QTMAN: variants seen among roughly 807,000 people sequenced by gnomAD.
QTMAN encodes queuosine-tRNA mannosyltransferase.
the QTMAN span, among the ~76,000 whole-genome samples, chr2:143,950,516 C>A: frequency 6.6e-6 from 1 of 151,564 alleles, no homozygotes; most frequent in Non-Finnish European, 1.5e-5. Flanking sequence ...ATGTTACAAA[C>A]TGATAAATTT....
the QTMAN span, among the ~76,000 whole-genome samples, chr2:144,100,859 CTTTTTTTTTTTTTTT>C: frequency 5.1e-5 from 4 of 77,920 alleles, no homozygotes; most frequent in South Asian, 4.8e-4. Flanking sequence ...GTCTTTCTTT[CTTTTTTTTTTTTTTT>C]TTTTTTTTTT....
At chr2:144,295,529 C>A in the QTMAN span, among the ~76,000 whole-genome samples, 8 of 152,192 alleles carry the variant, frequency 5.3e-5, no homozygotes, top group Admixed American at 1.3e-4. Flanking sequence ...CAACCTATTT[C>A]TCTACCAGAA....
chr2:144,052,897 C>T, the QTMAN span, among the ~76,000 whole-genome samples: 1 of 152,210 alleles, frequency 6.6e-6, no homozygotes. Context: ...GATCCATCCA[C>T]CTTGGCCTCC....
the QTMAN span, among the ~76,000 whole-genome samples, chr2:144,304,586 A>T: frequency 6.6e-6 from 1 of 152,230 alleles, no homozygotes; most frequent in Non-Finnish European, 1.5e-5. Context: ...CAATGAATAT[A>T]CTAAAACAGT....
chr2:144,298,868 T>G, the QTMAN span, among the ~76,000 whole-genome samples: 1 of 152,194 alleles, frequency 6.6e-6, no homozygotes, highest in South Asian at 2.1e-4. Flanking sequence ...ACTCCTCCAA[T>G]TGCAAATATC....
chr2:144,031,440 G>A, the QTMAN span, among the ~76,000 whole-genome samples: 1 of 152,108 alleles, frequency 6.6e-6, no homozygotes, highest in Non-Finnish European at 1.5e-5. Context: ...CACAGAAAAA[G>A]TGTTTTTCAT....
the QTMAN span, among the ~76,000 whole-genome samples, chr2:144,317,312 T>C: frequency 1.4e-5 from 2 of 147,824 alleles, no homozygotes; most frequent in Middle Eastern, 3.3e-3. Context: ...CCCATTTAAA[T>C]AGTCACTGCT....
the QTMAN span, among the ~76,000 whole-genome samples, chr2:144,041,490 G>A: frequency 6.6e-6 from 1 of 152,182 alleles, no homozygotes; most frequent in Admixed American, 6.5e-5. Context: ...TGTATGAAGT[G>A]CAGCCTTTGC....
At chr2:144,145,603 A>G in the QTMAN span, 1 of 1,610,224 alleles carries the variant, frequency 6.2e-7, no homozygotes, top group Non-Finnish European at 8.5e-7. Flanking sequence ...CCATATTGGA[A>G]ATCCCTCTCC....
chr2:144,100,859 C>CTTTTTTTTTTTTT, the QTMAN span, among the ~76,000 whole-genome samples: 1 of 77,920 alleles, frequency 1.3e-5, no homozygotes, highest in African/African-American at 5.6e-5. Context: ...GTCTTTCTTT[C>CTTTTTTTTTTTTT]TTTTTTTTTT....
chr2:144,004,453 A>C, the QTMAN span, among the ~76,000 whole-genome samples: 1 of 152,068 alleles, frequency 6.6e-6, no homozygotes, highest in African/African-American at 2.4e-5. Flanking sequence ...ACCAATTAAA[A>C]ATAAACTGTA....
chr2:144,252,032 T>C, the QTMAN span, among the ~76,000 whole-genome samples: 8 of 151,810 alleles, frequency 5.3e-5, no homozygotes, highest in Non-Finnish European at 1.5e-5. Context: ...CCTGCCTCTA[T>C]GTTTTTTTTT....
the QTMAN span, among the ~76,000 whole-genome samples, chr2:144,275,330 G>T: frequency 1.3e-5 from 2 of 151,428 alleles, no homozygotes; most frequent in Non-Finnish European, 2.9e-5. Context: ...GTTGCAGTAA[G>T]CCGAGATTGC....
chr2:144,071,939 T>A, the QTMAN span, among the ~76,000 whole-genome samples: 1 of 152,168 alleles, frequency 6.6e-6, no homozygotes, highest in Admixed American at 6.5e-5. Flanking sequence ...TAGACAAGAA[T>A]AAAGCCAACT....
At chr2:144,285,428 T>C in the QTMAN span, among the ~76,000 whole-genome samples, 1 of 152,200 alleles carries the variant, frequency 6.6e-6, no homozygotes, top group South Asian at 2.1e-4. Flanking sequence ...ATCTCTGTTT[T>C]ACAAAACATA....
At chr2:144,199,633 T>C in the QTMAN span, among the ~76,000 whole-genome samples, 2 of 152,168 alleles carry the variant, frequency 1.3e-5, no homozygotes. Context: ...TCTCTAGCTC[T>C]AAAAATTAAA....
the QTMAN span, among the ~76,000 whole-genome samples, chr2:144,110,680 C>CCT: frequency 1.5e-5 from 1 of 67,892 alleles, no homozygotes; most frequent in African/African-American, 4.0e-5. Flanking sequence ...GAAAAATCGA[C>CCT]CCCCCCCCAA....
chr2:144,274,625 T>C, the QTMAN span, among the ~76,000 whole-genome samples: 1 of 152,220 alleles, frequency 6.6e-6, no homozygotes, highest in Non-Finnish European at 1.5e-5. Flanking sequence ...ATAGAGGTAC[T>C]GGGAAGGTGG....
the QTMAN span, among the ~76,000 whole-genome samples, chr2:144,123,269 C>G: frequency 6.6e-6 from 1 of 152,072 alleles, no homozygotes; most frequent in Non-Finnish European, 1.5e-5. Flanking sequence ...TAGAATATTA[C>G]TTTTTCTGTC....
Sources: gnomAD v4.1 joint callset for allele counts (sites outside exome capture counted in the v4.1 genomes callset) on GRCh38, gnomAD v4.1.1 for gene constraint, MANE v1.5 for transcripts, NCBI Gene and HGNC (gene_info 2026-07-23, HGNC 2026-07-21) for gene names.